Variants in AP2A2 observed in about 807,000 individuals in gnomAD.
AP2A2 encodes adaptor related protein complex 2 subunit alpha 2, also known as AP-2 complex subunit alpha-2.
In AP2A2, 32 loss-of-function variants were observed where a neutral mutation model predicts 104.2. The observed-to-expected ratio is 0.31, with a 90% CI of 0.23 to 0.41. AP2A2 has a LOEUF of 0.41. Among genes scored for constraint, AP2A2 ranks in the 10% least tolerant of loss-of-function variants. The probability of loss-of-function intolerance (pLI) is 1.00; values close to 1 mark genes in which losing one functional copy is unlikely to be tolerated. For missense variants in AP2A2, 912 were observed against 1,261.0 expected, an observed-to-expected ratio of 0.72 and a Z score of 4.19; for synonymous variants, 539 against 533.3, an observed-to-expected ratio of 1.01 and a Z score of -0.15.
intron 1 of AP2A2, among the ~76,000 whole-genome samples, chr11:944,194 C>T (rs891152951): frequency 9.2e-5 from 14 of 152,226 alleles, no homozygotes; most frequent in Non-Finnish European, 1.8e-4. Flanking sequence ...TAGAGACTGA[C>T]ATGGCACCTC....
intron 1 of AP2A2, among the ~76,000 whole-genome samples, chr11:928,811 G>A (rs1004541492): frequency 2.0e-5 from 3 of 152,144 alleles, no homozygotes; most frequent in African/African-American, 7.2e-5. Context: ...TTCCCTCATT[G>A]CTGTTGGATG....
chr11:939,582 T>G (rs960233409), intron 1 of AP2A2, among the ~76,000 whole-genome samples: 17 of 151,778 alleles, frequency 1.1e-4, no homozygotes, highest in African/African-American at 4.1e-4. Context: ...GTAGCTGGGC[T>G]TACAGGAGCC....
At position 993,972 on chromosome 11, in the gene AP2A2, G is replaced by T. The variant is rs1366855735; in HGVS notation, c.1769G>T (p.Ser590Ile). The T allele has an allele frequency of 1.2e-6, 2 of 1,611,170 alleles. No individual in the cohort carries two copies. The highest frequency in any genetic ancestry group is 2.7e-5 in the African/African-American group (2 of 75,030). ...TACCTGCGGCTCAGCACCGTGGCCAGCACCGACATTCTGGTAGGAGGCCCC... is the reference window on the plus strand; with the variant it reads ...TACCTGCGGCTCAGCACCGTGGCCATCACCGACATTCTGGTAGGAGGCCCC... ...VEYLRLSTVA[S>I]TDILATVLEE... Residue 590 changes from serine (S) to isoleucine (I), a missense_variant, in exon 13 of 22, where the codon AGC (serine) becomes ATC (isoleucine). Ser to Ile is a moderately radical substitution (Grantham distance 142). Around this residue, in one of 7 missense-constraint regions of AP2A2, gnomAD observed 137 missense variants for 186.9 expected, o/e 0.73. Coordinates refer to ENST00000448903, the MANE Select transcript of AP2A2 (RefSeq NM_012305.4). This position sits in a 1 kb window ranked among gnomAD's most constrained non-coding sequence, Gnocchi z 8.2.
intron 14 of AP2A2, among the ~76,000 whole-genome samples, chr11:999,803 CT>C (rs71022992): frequency 0.44 from 55,049 of 124,022 alleles, 9,632 homozygotes; most frequent in Admixed American, 0.56. Flanking sequence ...TTAGTTCTTT[CT>C]TTTTTTTTTT....
Position 1,000,481 on chromosome 11 carries a change from C to A in AP2A2, c.2006C>A (p.Pro669His), listed in dbSNP as rs780966808. The A allele has an allele frequency of 4.5e-6, 7 of 1,540,186 alleles. No homozygotes were observed. Among genetic ancestry groups the A allele is most frequent in the Non-Finnish European group, 6.1e-6 (7 of 1,147,114 alleles). Reference sequence around the variant, plus strand: ...CTGCTGGGTCTCGGGGCTGCCCCCCCTGCCCCCGCGGGCCCCCCACCCTCC... The same window carrying A: ...CTGCTGGGTCTCGGGGCTGCCCCCCATGCCCCCGCGGGCCCCCCACCCTCC... ...ADLLGLGAAP[P>H]APAGPPPSSG... Residue 669 changes from proline (P) to histidine (H), a missense_variant, in exon 15 of 22, where the codon CCT becomes CAT. By Grantham distance (77) the Pro-to-His change is moderately conservative. Coordinates refer to ENST00000448903, the MANE Select transcript of AP2A2 (RefSeq NM_012305.4).
intron 6 of AP2A2, among the ~76,000 whole-genome samples, chr11:983,936 G>A (rs1056817088): frequency 3.9e-5 from 6 of 152,128 alleles, no homozygotes; most frequent in African/African-American, 1.2e-4. Context: ...GCAGGAGTCC[G>A]TGACCCAAGT....
At position 986,640 on chromosome 11, in the gene AP2A2, G is replaced by A. The variant is rs973961204; in HGVS notation, c.963-145G>A. 28 of 1,016,848 alleles carry A rather than the reference G, an allele frequency of 2.8e-5. No individual in the cohort carries two copies. The South Asian group carries it at 2.8e-4, about 10-fold the overall frequency. 63.0% of individuals were successfully genotyped at this position (1,016,848 alleles called of 1,614,324 possible). A position where few individuals can be genotyped will look rare whatever the true frequency, so the allele number is the denominator to read the frequency against. On this transcript the variant is annotated intron_variant, in intron 8 of 21. Transcript: ENST00000448903. ...GTCATCTGCATCTGGGGAGGCCCCC[G>A]AGTTCCCACTTGAGCAGTGTGGTGG...
chr11:1,010,470 T>C lies in AP2A2; in HGVS notation c.2743-78T>C, dbSNP rs557731219. 1.0e-4 allele frequency: 125 copies of C among 1,225,728 alleles called. No individual in the cohort carries two copies. The African/African-American group carries it at 1.8e-3, about 17-fold the overall frequency. 75.9% of individuals were successfully genotyped at this position (1,225,728 alleles called of 1,614,324 possible). On this transcript the variant is annotated intron_variant, in intron 21 of 21. Coordinates refer to ENST00000448903, the MANE Select transcript of AP2A2 (RefSeq NM_012305.4). ...TGGTCCCTGGGCATGGCCCACAGGG[T>C]TCTGCATGGCGGATCCTGGACCCGA...
intron 5 of AP2A2, 40 bp from the exon 6 acceptor site, chr11:981,158 C>T (rs556471268): frequency 6.5e-7 from 1 of 1,533,364 alleles, no homozygotes; most frequent in East Asian, 2.3e-5. Flanking sequence ...AAGTGGTTAG[C>T]TTCAAGTGTT....
chr11:1,008,208 G>A (rs1856276157), intron 18 of AP2A2, 73 bp downstream of exon 18: 1 of 1,493,110 alleles, frequency 6.7e-7, no homozygotes, highest in African/African-American at 1.4e-5. Flanking sequence ...CTCCATGACT[G>A]TGCCTCCGTG....
At position 930,397 on chromosome 11, in the gene AP2A2, G is replaced by A. The variant is rs996752875; in HGVS notation, c.67+4309G>A. Reference sequence around the variant, plus strand: ...AAAATTAACTTCATCCTTTCTGATTGACGTCAACCCAGCGGCCACTGCATT... The same window carrying A: ...AAAATTAACTTCATCCTTTCTGATTAACGTCAACCCAGCGGCCACTGCATT... On this transcript the variant is annotated intron_variant, in intron 1 of 21. Transcript: ENST00000448903. Among the ~76,000 whole-genome samples the A allele has an allele frequency of 5.3e-5, 8 of 152,072 alleles. 1 individual carries two copies. Among genetic ancestry groups the A allele is most frequent in the Admixed American group, 5.2e-4 (8 of 15,262 alleles).
intron 16 of AP2A2, among the ~76,000 whole-genome samples, chr11:1,004,843 A>G (rs954199135): frequency 6.6e-6 from 1 of 152,178 alleles, no homozygotes; most frequent in Non-Finnish European, 1.5e-5. Flanking sequence ...AAAAAGGAAA[A>G]AGAGTGTCTG....
intron 1 of AP2A2, among the ~76,000 whole-genome samples, chr11:939,795 G>GT: frequency 6.6e-6 from 1 of 151,996 alleles, no homozygotes; most frequent in East Asian, 1.9e-4. Context: ...TCTTGCTCAA[G>GT]TTTCTCTTCT....
intron 17 of AP2A2, chr11:1,007,396 G>A (rs778839978): frequency 6.2e-4 from 97 of 155,520 alleles, no homozygotes; most frequent in Non-Finnish European, 1.2e-3. Context: ...CTCCTACTGC[G>A]CCCTTCTTTA....
Position 1,008,145 on chromosome 11 carries a change from G to A in AP2A2, c.2420+10G>A, listed in dbSNP as rs549868572. 8.2e-6 allele frequency: 13 copies of A among 1,593,290 alleles called. No individual in the cohort carries two copies. The highest frequency in any genetic ancestry group is 8.0e-5 in the African/African-American group (6 of 74,814). ...TCAACATTCAGTTCAGGTAAGAGCC[G>A]CCTGTGCGCCCCGGGCCAAGGGGTG... On this transcript the variant is annotated intron_variant, in intron 18 of 21. Transcript: ENST00000448903.
At chr11:972,937 G>A (rs991213475) in intron 4 of AP2A2, among the ~76,000 whole-genome samples, 2 of 152,244 alleles carry the variant, frequency 1.3e-5, no homozygotes, top group Admixed American at 6.5e-5. Context: ...TCGGCCATCC[G>A]TTCCGTCCCT....
chr11:941,731 G>T (rs2134484891), intron 1 of AP2A2, among the ~76,000 whole-genome samples: 1 of 151,772 alleles, frequency 6.6e-6, no homozygotes, highest in African/African-American at 2.4e-5. Context: ...GGGACTACAG[G>T]CATGCACCAC....
At chr11:970,748 G>A (rs960458242) in intron 3 of AP2A2, among the ~76,000 whole-genome samples, 1 of 152,256 alleles carries the variant, frequency 6.6e-6, no homozygotes, top group East Asian at 1.9e-4. Flanking sequence ...CTGACACAGT[G>A]CCTTGTTGAC....
chr11:1,006,974 A>G (rs575484799), intron 17 of AP2A2: 1 of 203,190 alleles, frequency 4.9e-6, no homozygotes, highest in South Asian at 1.3e-4. Context: ...CTGCTTGCAG[A>G]GTGTGGGAGG....
Sources: gnomAD v4.1 joint callset for allele counts (sites outside exome capture counted in the v4.1 genomes callset) on GRCh38, gnomAD v4.1.1 for gene constraint, gnomAD v4.1.1 regional missense constraint, Gnocchi (gnomAD v3.1) non-coding constraint, MANE v1.5 for transcripts, NCBI Gene and HGNC (gene_info 2026-07-23, HGNC 2026-07-21) for gene names.